ELP4: variants seen among roughly 807,000 people sequenced by gnomAD.
ELP4 encodes the protein elongator complex protein 4.
In ELP4, 51 loss-of-function variants were observed where a neutral mutation model predicts 48.9. The ratio of observed to expected loss-of-function variants is 1.04; its 90% confidence interval spans 0.83 to 1.32. ELP4 has a LOEUF of 1.32. Among genes scored for constraint, ELP4 ranks in the 40% most tolerant of loss-of-function variants. The pLI, the probability that ELP4 is intolerant of heterozygous loss-of-function variation, is 0.00. For missense variants in ELP4, 519 were observed against 514.6 expected (o/e 1.01, Z -0.08); for synonymous variants, 210 against 189.2 (o/e 1.11, Z -0.90).
At chr11:31,560,713 G>A (rs1957009046) in intron 3 of ELP4, among the ~76,000 whole-genome samples, 1 of 148,414 alleles carries the variant, frequency 6.7e-6, no homozygotes, top group Admixed American at 6.7e-5. Context: ...AAACAACGTT[G>A]TTTTATATAT....
At position 31,674,859 on chromosome 11, in the gene ELP4, T is replaced by C. The variant is rs143882822; in HGVS notation, c.1143+24638T>C. On this transcript the variant is annotated intron_variant, in intron 9 of 9. Transcript: ENST00000640961. Reference sequence around the variant, plus strand: ...GAACTGAATTAACATTCTGTCCATATTAGTAAAACAAAACTGAATGTTACC... The same window carrying C: ...GAACTGAATTAACATTCTGTCCATACTAGTAAAACAAAACTGAATGTTACC... Among the ~76,000 whole-genome samples, 20 of 152,326 alleles carry C rather than the reference T, an allele frequency of 1.3e-4. No homozygotes were observed. In the East Asian group the frequency reaches 3.9e-3, roughly 29 times the overall value.
intron 3 of ELP4, among the ~76,000 whole-genome samples, chr11:31,574,217 A>G (rs1957231078): frequency 6.6e-6 from 1 of 152,204 alleles, no homozygotes; most frequent in South Asian, 2.1e-4. Context: ...TCGAACTGCA[A>G]GGCAGCAGCG....
intron 9 of ELP4, among the ~76,000 whole-genome samples, chr11:31,740,509 T>C (rs1171799890): frequency 6.6e-6 from 1 of 152,244 alleles, no homozygotes; most frequent in Non-Finnish European, 1.5e-5. Context: ...CTGAATCATT[T>C]AGATGCAATT....
intron 9 of ELP4, chr11:31,652,947 C>T (rs896291241): frequency 1.3e-5 from 2 of 151,416 alleles, no homozygotes; most frequent in African/African-American, 4.8e-5. Context: ...AAGTCATTGC[C>T]CTTTATGTGT....
At chr11:31,691,598 C>T (rs1171171731) in intron 9 of ELP4, among the ~76,000 whole-genome samples, 1 of 151,982 alleles carries the variant, frequency 6.6e-6, no homozygotes, top group African/African-American at 2.4e-5. Flanking sequence ...AAAAAATAAT[C>T]CATGGTAAAT....
intron 9 of ELP4, among the ~76,000 whole-genome samples, chr11:31,758,016 A>G (rs1382843877): frequency 6.6e-6 from 1 of 152,160 alleles, no homozygotes; most frequent in African/African-American, 2.4e-5. Flanking sequence ...GTCTAGAGTT[A>G]TCTATTTTTC....
rs1171009926 is a variant in ELP4 at position 31,790,097 on chromosome 11, CAAA to C, written c.*6594_*6596del. On this transcript the variant is annotated 3_prime_UTR_variant, in exon 10 of 10. Transcript: ENST00000640961. ...CATGGAATACAAATTTATAGGTTTACAAAAAAAAAAAAAAAAAAAAAAACTAAT... is the reference window on the plus strand; with the variant it reads ...CATGGAATACAAATTTATAGGTTTACAAAAAAAAAAAAAAAAAAAACTAAT... 1.0e-3 allele frequency: 151 copies of C among 145,052 alleles called. No individual in the cohort carries two copies. Among genetic ancestry groups the C allele is most frequent in the Non-Finnish European group, 1.3e-3 (101 of 80,466 alleles). The allele number at this position is 145,052 out of a possible 1,614,324, so 9.0% of individuals were successfully genotyped here.
At chr11:31,758,612 A>G (rs538375750) in intron 9 of ELP4, among the ~76,000 whole-genome samples, 2 of 152,258 alleles carry the variant, frequency 1.3e-5, no homozygotes, top group South Asian at 4.1e-4. Flanking sequence ...CCTCACACTA[A>G]AACATTTTAT....
chr11:31,722,538 A>G (rs1196600105), intron 9 of ELP4, among the ~76,000 whole-genome samples: 1 of 152,238 alleles, frequency 6.6e-6, no homozygotes, highest in Non-Finnish European at 1.5e-5. Flanking sequence ...CCTTGCAGAC[A>G]GAATGACTAC....
chr11:31,723,956 G>C (rs1041808464), intron 9 of ELP4, among the ~76,000 whole-genome samples: 3 of 152,098 alleles, frequency 2.0e-5, no homozygotes, highest in Non-Finnish European at 4.4e-5. Flanking sequence ...AAATAAATAG[G>C]GTTGTCTATG....
At chr11:31,594,695 T>C (rs1039964344) in intron 3 of ELP4, 75 bp from the exon 4 acceptor site, 9 of 992,374 alleles carry the variant, frequency 9.1e-6, no homozygotes, top group Admixed American at 3.1e-5. Context: ...TTTCTAGTGT[T>C]GCTAATATTA....
At chr11:31,761,197 G>A (rs535362799) in intron 9 of ELP4, among the ~76,000 whole-genome samples, 2 of 152,096 alleles carry the variant, frequency 1.3e-5, no homozygotes, top group East Asian at 1.9e-4. Flanking sequence ...AATTAGCTGG[G>A]CATGGTGGCA....
chr11:31,771,758 T>C (rs1948147590), intron 9 of ELP4, among the ~76,000 whole-genome samples: 1 of 152,194 alleles, frequency 6.6e-6, no homozygotes, highest in African/African-American at 2.4e-5. Context: ...GGCGGGCAGA[T>C]CACAAGGTCA....
Position 31,788,007 on chromosome 11 carries a change from T to C in ELP4, c.*4483T>C, listed in dbSNP as rs1005462693. ...AGACTGCCAGAACCCCCAGGCTTTT[T>C]AGTGAAGTTTGCAGAGGAAGACTTA... On this transcript the variant is annotated 3_prime_UTR_variant, in exon 10 of 10. Coordinates refer to ENST00000640961, the MANE Select transcript of ELP4 (RefSeq NM_019040.5). 4.5e-6 allele frequency: 1 copy of C among 222,512 alleles called. No individual in the cohort carries two copies. Among genetic ancestry groups the C allele is most frequent in the Non-Finnish European group, 9.0e-6 (1 of 111,224 alleles). The allele number at this position is 222,512 out of a possible 1,614,324, so 13.8% of individuals were successfully genotyped here.
intron 3 of ELP4, among the ~76,000 whole-genome samples, chr11:31,575,781 G>A (rs960041241): frequency 6.6e-6 from 1 of 152,094 alleles, no homozygotes; most frequent in African/African-American, 2.4e-5. Context: ...ACAGGAGCTC[G>A]TGAATGAAGC....
intron 1 of ELP4, among the ~76,000 whole-genome samples, chr11:31,514,916 A>T (rs1956078978): frequency 6.6e-6 from 1 of 151,940 alleles, no homozygotes; most frequent in African/African-American, 2.4e-5. Flanking sequence ...AATACCTTAT[A>T]CAAAGGTATC....
Position 31,790,084 on chromosome 11 carries a change from ATTTATAGGTTTAC to A in ELP4, c.*6561_*6573del. On this transcript the variant is annotated 3_prime_UTR_variant, in exon 10 of 10. Coordinates refer to ENST00000640961, the MANE Select transcript of ELP4 (RefSeq NM_019040.5). ...TTTGAGAAACAGACATGGAATACAA[ATTTATAGGTTTAC>A]AAAAAAAAAAAAAAAAAAAAAAACT... 1 of 390,358 alleles carries A rather than the reference ATTTATAGGTTTAC, an allele frequency of 2.6e-6. No homozygotes were observed. Among genetic ancestry groups the A allele is most frequent in the East Asian group, 6.2e-5 (1 of 16,216 alleles). 24.2% of individuals were successfully genotyped at this position (390,358 alleles called of 1,614,324 possible). A position where few individuals can be genotyped will look rare whatever the true frequency, so the allele number is the denominator to read the frequency against.
chr11:31,744,391 A>G (rs553536031), intron 9 of ELP4, among the ~76,000 whole-genome samples: 1 of 152,362 alleles, frequency 6.6e-6, no homozygotes, highest in Non-Finnish European at 1.5e-5. Context: ...AACTCATTTT[A>G]TGAGGCCAGC....
intron 9 of ELP4, among the ~76,000 whole-genome samples, chr11:31,704,480 C>A (rs1946589233): frequency 6.6e-6 from 1 of 151,598 alleles, no homozygotes; most frequent in African/African-American, 2.4e-5. Flanking sequence ...CACACCAGGG[C>A]CTGTTGTGGG....
Sources: allele counts gnomAD v4.1 joint callset (sites outside exome capture counted in the v4.1 genomes callset), GRCh38; gene constraint gnomAD v4.1.1; transcripts MANE v1.5; gene names NCBI Gene and HGNC (gene_info 2026-07-23, HGNC 2026-07-21).